The following NALF1 variants were observed in gnomAD, a reference collection of about 807,000 sequenced individuals.
NALF1 encodes NALCN channel auxiliary factor 1.
NALF1 carries 3 observed loss-of-function variants against 48.4 expected under a neutral mutation model. The observed-to-expected ratio is 0.06, with a 90% CI of 0.03 to 0.16. The LOEUF (loss-of-function observed/expected upper bound fraction) is 0.16, where lower values mean the gene tolerates loss of function less well. Among genes scored for constraint, NALF1 ranks in the 10% least tolerant of loss-of-function variants. The pLI is 1.00. For missense variants in NALF1, 526 were observed against 571.5 expected, an observed-to-expected ratio of 0.92 and a Z score of 0.81; for synonymous variants, 262 against 245.7, an observed-to-expected ratio of 1.07 and a Z score of -0.62.
At chr13:107,642,033 G>C (rs1274811943) in intron 1 of NALF1, among the ~76,000 whole-genome samples, 1 of 152,122 alleles carries the variant, frequency 6.6e-6, no homozygotes, top group African/African-American at 2.4e-5. Flanking sequence ...GCTGAGACCA[G>C]GTAAGGTCCT....
At chr13:107,808,442 T>C (rs1238190887) in intron 1 of NALF1, among the ~76,000 whole-genome samples, 2 of 152,152 alleles carry the variant, frequency 1.3e-5, no homozygotes, top group Non-Finnish European at 2.9e-5. Context: ...GTCCTACTTT[T>C]GGCTTATTAA....
chr13:107,307,475 A>T (rs1468761924), intron 1 of NALF1, among the ~76,000 whole-genome samples: 1 of 151,090 alleles, frequency 6.6e-6, no homozygotes, highest in African/African-American at 2.4e-5. Flanking sequence ...TCTCTTTTTT[A>T]TTTTTATTTT....
chr13:107,772,411 TAGAG>T (rs1343118078), intron 1 of NALF1, among the ~76,000 whole-genome samples: 1 of 152,130 alleles, frequency 6.6e-6, no homozygotes, highest in Non-Finnish European at 1.5e-5. Context: ...TATGCATTAT[TAGAG>T]AGTTTCCATA....
At chr13:107,548,322 G>A (rs946321844) in intron 1 of NALF1, among the ~76,000 whole-genome samples, 11 of 151,992 alleles carry the variant, frequency 7.2e-5, no homozygotes, top group South Asian at 4.1e-4. Context: ...TTATGGCTGC[G>A]CAGTATTCCA....
At chr13:107,213,794 C>T (rs77416528) in intron 1 of NALF1, among the ~76,000 whole-genome samples, 2,548 of 152,200 alleles carry the variant, frequency 0.017, 79 homozygotes, top group African/African-American at 0.058. Flanking sequence ...TGAAATAGCA[C>T]GTTAGTAAAC....
chr13:107,442,218 G>A (rs1345490814), intron 1 of NALF1, among the ~76,000 whole-genome samples: 5 of 152,102 alleles, frequency 3.3e-5, no homozygotes, highest in Non-Finnish European at 7.4e-5. Flanking sequence ...TATGAGCCTT[G>A]CTCTCTTGGT....
At chr13:107,811,128 T>G (rs962362351) in intron 1 of NALF1, among the ~76,000 whole-genome samples, 2 of 152,144 alleles carry the variant, frequency 1.3e-5, no homozygotes, top group African/African-American at 4.8e-5. Flanking sequence ...AGAGCTTCTG[T>G]TAAGAGGCAC....
chr13:107,710,877 A>G (rs558623816), intron 1 of NALF1, among the ~76,000 whole-genome samples: 1 of 151,256 alleles, frequency 6.6e-6, no homozygotes, highest in African/African-American at 2.4e-5. Flanking sequence ...GTATATATAC[A>G]CATATATACA....
At chr13:107,723,494 T>C (rs1359212241) in intron 1 of NALF1, among the ~76,000 whole-genome samples, 2 of 152,200 alleles carry the variant, frequency 1.3e-5, no homozygotes, top group South Asian at 2.1e-4. Context: ...AATGAGAGCA[T>C]GTGACATTTA....
chr13:107,551,264 C>T (rs1485349606), intron 1 of NALF1, among the ~76,000 whole-genome samples: 1 of 152,126 alleles, frequency 6.6e-6, no homozygotes, highest in East Asian at 1.9e-4. Flanking sequence ...TATTTACATA[C>T]CATTGCATTT....
chr13:107,178,668 G>A (rs1878990927), intron 2 of NALF1, among the ~76,000 whole-genome samples: 2 of 152,156 alleles, frequency 1.3e-5, no homozygotes, highest in African/African-American at 4.8e-5. Context: ...AATAGGCCAG[G>A]CACGGTGGCT....
chr13:107,233,442 T>G (rs1345446972), intron 1 of NALF1, among the ~76,000 whole-genome samples: 1 of 152,156 alleles, frequency 6.6e-6, no homozygotes, highest in African/African-American at 2.4e-5. Flanking sequence ...AACTAGCCAT[T>G]TAGTAGAATG....
At chr13:107,726,933 G>C (rs1323484411) in intron 1 of NALF1, among the ~76,000 whole-genome samples, 16 of 150,604 alleles carry the variant, frequency 1.1e-4, no homozygotes, top group Non-Finnish European at 1.6e-4. Context: ...GTGTGTGTGT[G>C]TGTGTGTGTG....
chr13:107,716,365 T>C (rs1039803120), intron 1 of NALF1, among the ~76,000 whole-genome samples: 1 of 152,168 alleles, frequency 6.6e-6, no homozygotes, highest in Non-Finnish European at 1.5e-5. Flanking sequence ...GTGCCATATA[T>C]TGCTCTTTAA....
intron 1 of NALF1, among the ~76,000 whole-genome samples, 185 bp downstream of exon 1, chr13:107,865,497 G>A (rs1880686680): frequency 6.6e-6 from 1 of 152,148 alleles, no homozygotes; most frequent in Non-Finnish European, 1.5e-5. Flanking sequence ...GAAGGCATCA[G>A]TCAGTCCACC....
At chr13:107,591,936 CT>C (rs747130350) in intron 1 of NALF1, among the ~76,000 whole-genome samples, 1 of 151,802 alleles carries the variant, frequency 6.6e-6, no homozygotes, top group South Asian at 2.1e-4. Context: ...AGTGTTTGAC[CT>C]CCGATTTCAA....
intron 1 of NALF1, among the ~76,000 whole-genome samples, chr13:107,586,312 A>G (rs1878455289): frequency 6.6e-6 from 1 of 152,064 alleles, no homozygotes; most frequent in South Asian, 2.1e-4. Context: ...AAAGACGAAA[A>G]CACTGTAAAA....
chr13:107,719,732 A>G (rs903421244), intron 1 of NALF1, among the ~76,000 whole-genome samples: 9 of 152,036 alleles, frequency 5.9e-5, no homozygotes, highest in Admixed American at 5.2e-4. Flanking sequence ...TTCTACTCTC[A>G]AAGTCATATT....
At position 107,801,370 on chromosome 13, in the gene NALF1, C is replaced by T. The variant is rs185374151; in HGVS notation, c.915+64312G>A. Reference sequence around the variant, plus strand: ...ATTAAATGGTGTACTAGGATGATGTCGATTTGTTTTAAAATATTTATAAGA... The same window carrying T: ...ATTAAATGGTGTACTAGGATGATGTTGATTTGTTTTAAAATATTTATAAGA... On this transcript the variant is annotated intron_variant, in intron 1 of 2. Coordinates refer to ENST00000375915, the MANE Select transcript of NALF1 (RefSeq NM_001080396.3). Among the ~76,000 whole-genome samples the T allele has an allele frequency of 3.2e-3, 483 of 152,196 alleles. 3 individuals carry two copies. The highest frequency in any genetic ancestry group is 0.011 in the African/African-American group (458 of 41,536).
Sources: allele counts gnomAD v4.1 joint callset (sites outside exome capture counted in the v4.1 genomes callset), GRCh38; gene constraint gnomAD v4.1.1; transcripts MANE v1.5; gene names NCBI Gene and HGNC (gene_info 2026-07-23, HGNC 2026-07-21).